The following TSHZ2 variants were observed in gnomAD, a reference collection of about 807,000 sequenced individuals.
The protein encoded by TSHZ2 is teashirt homolog 2.
TSHZ2 carries 21 observed loss-of-function variants against 74.4 expected under a neutral mutation model. That is an observed-to-expected ratio of 0.28 (90% CI 0.20 to 0.41). The LOEUF (loss-of-function observed/expected upper bound fraction) is 0.41, where lower values mean the gene tolerates loss of function less well. Ranked by LOEUF, TSHZ2 falls within the 10% of genes least tolerant of loss-of-function variation. The probability of loss-of-function intolerance (pLI) is 1.00; values close to 1 mark genes in which losing one functional copy is unlikely to be tolerated. For missense variants in TSHZ2, 1,244 were observed against 1,293.5 expected (o/e 0.96, Z 0.59); for synonymous variants, 540 against 515.3 (o/e 1.05, Z -0.65).
intron 2 of TSHZ2, among the ~76,000 whole-genome samples, chr20:53,447,808 C>T (rs1984612693): frequency 6.6e-6 from 1 of 152,194 alleles, no homozygotes; most frequent in Non-Finnish European, 1.5e-5. Context: ...CTCCTCGGTG[C>T]CTCATATTGT....
At chr20:53,400,963 C>A (rs1017928558) in intron 2 of TSHZ2, among the ~76,000 whole-genome samples, 2 of 152,168 alleles carry the variant, frequency 1.3e-5, no homozygotes, top group African/African-American at 4.8e-5. Context: ...ATGTCCTAAG[C>A]ATTATGTTAA....
chr20:53,013,916 G>A (rs1478193206), intron 1 of TSHZ2, among the ~76,000 whole-genome samples: 2 of 152,164 alleles, frequency 1.3e-5, no homozygotes, highest in African/African-American at 4.8e-5. Flanking sequence ...TGGGATAAGG[G>A]AATGAAAACA....
intron 2 of TSHZ2, among the ~76,000 whole-genome samples, chr20:53,397,279 G>GA (rs1480338876): frequency 7.2e-5 from 11 of 152,252 alleles, no homozygotes; most frequent in Non-Finnish European, 1.2e-4. Flanking sequence ...AAATTTACAA[G>GA]AAAAAATCAA....
chr20:53,224,179 G>A lies in TSHZ2; in HGVS notation c.41-29320G>A, dbSNP rs577337040. 1.8e-4 allele frequency among the ~76,000 whole-genome samples: 27 copies of A among 152,320 alleles called. No homozygotes were observed. In the South Asian group the frequency reaches 5.6e-3, roughly 32 times the overall value. On this transcript the variant is annotated intron_variant, in intron 1 of 2. Transcript: ENST00000371497. ...AAACCCAAAATGTTTTGAGTATAAT[G>A]TCTAGGACAAAGCTAAAGAAACAAA...
rs550370027 is a variant in TSHZ2 at position 53,211,788 on chromosome 20, G to A, written c.41-41711G>A. On this transcript the variant is annotated intron_variant, in intron 1 of 2. Coordinates refer to ENST00000371497, the MANE Select transcript of TSHZ2 (RefSeq NM_173485.6). ...GTAGACTCAGAGGGTACCTGTGCAG[G>A]TTTGTTGCATAATGATCAGGTTTGG... Among the ~76,000 whole-genome samples the A allele has an allele frequency of 2.0e-5, 3 of 152,218 alleles. No homozygotes were observed. In the South Asian group the frequency reaches 6.2e-4, roughly 32 times the overall value.
chr20:53,472,682 A>G (rs13042043), intron 2 of TSHZ2, among the ~76,000 whole-genome samples: 30,117 of 151,196 alleles, frequency 0.2, 3,177 homozygotes, highest in East Asian at 0.29. Context: ...GAACAGCTCC[A>G]GTCTACAGCT....
At chr20:53,219,553 T>C (rs1989509481) in intron 1 of TSHZ2, among the ~76,000 whole-genome samples, 1 of 152,230 alleles carries the variant, frequency 6.6e-6, no homozygotes, top group South Asian at 2.1e-4. Context: ...TTTGTGACTG[T>C]TACCTTTATT....
rs145444017 is a variant in TSHZ2, at chr20:53,231,980, G to C, written c.41-21519G>C. ...GTTCATTGCAGCCTCAAACTCCTGG[G>C]CTCAAGCCATCCTCCCACCTTAGCC... is the stretch of plus-strand genomic sequence containing the variant. On this transcript the variant is annotated intron_variant, in intron 1 of 2. Coordinates refer to ENST00000371497, the MANE Select transcript of TSHZ2 (RefSeq NM_173485.6). Among the ~76,000 whole-genome samples the C allele has an allele frequency of 1.0e-3, 159 of 152,256 alleles. 1 individual carries two copies. Among genetic ancestry groups the C allele is most frequent in the African/African-American group, 3.7e-3 (152 of 41,554 alleles).
intron 2 of TSHZ2, among the ~76,000 whole-genome samples, chr20:53,352,232 C>CTTTTTTTTTTT (rs142220716): frequency 1.7e-5 from 1 of 57,904 alleles, no homozygotes; most frequent in Admixed American, 2.1e-4. Context: ...CTCCTAAGCT[C>CTTTTTTTTTTT]TTTTTTTTTT....
At chr20:53,050,143 A>ATACATATACATATG (rs1984398664) in intron 1 of TSHZ2, among the ~76,000 whole-genome samples, 3 of 91,642 alleles carry the variant, frequency 3.3e-5, no homozygotes, top group Non-Finnish European at 4.6e-5. Flanking sequence ...ATATATGTGT[A>ATACATATACATATG]TATATATATA....
intron 2 of TSHZ2, among the ~76,000 whole-genome samples, chr20:53,469,637 GAA>G (rs1486037390): frequency 0.019 from 854 of 45,646 alleles, 110 homozygotes; most frequent in African/African-American, 0.055. Flanking sequence ...AGGGAGGGAG[GAA>G]GGAAGGAAGG....
chr20:53,297,526 G>A (rs553315360), intron 2 of TSHZ2, among the ~76,000 whole-genome samples: 63 of 152,286 alleles, frequency 4.1e-4, no homozygotes, highest in African/African-American at 1.5e-3. Context: ...AAAATGCTGC[G>A]ATTATAGGCA....
At chr20:53,156,569 G>C (rs978091649) in intron 1 of TSHZ2, among the ~76,000 whole-genome samples, 3 of 152,168 alleles carry the variant, frequency 2.0e-5, no homozygotes, top group Non-Finnish European at 4.4e-5. Flanking sequence ...AACCAGTTCA[G>C]TGATTTTCCC....
intron 2 of TSHZ2, among the ~76,000 whole-genome samples, chr20:53,474,255 G>C (rs1410747444): frequency 7.0e-6 from 1 of 143,146 alleles, no homozygotes. Context: ...GGCAGCCAGA[G>C]AGAAAGGTCG....
At chr20:53,331,376 G>A (rs559580374) in intron 2 of TSHZ2, among the ~76,000 whole-genome samples, 72 of 152,254 alleles carry the variant, frequency 4.7e-4, no homozygotes, top group Non-Finnish European at 9.0e-4. Flanking sequence ...GGCAAAAACC[G>A]AGGTGCTTGG....
intron 2 of TSHZ2, among the ~76,000 whole-genome samples, chr20:53,289,663 CAT>C (rs1991243756): frequency 6.6e-6 from 1 of 152,114 alleles, no homozygotes; most frequent in African/African-American, 2.4e-5. Flanking sequence ...ATTTTAGAGA[CAT>C]GGTTTAGGGA....
chr20:53,276,092 G>GT (rs1990940483), intron 2 of TSHZ2, among the ~76,000 whole-genome samples: 1 of 152,146 alleles, frequency 6.6e-6, no homozygotes, highest in Non-Finnish European at 1.5e-5. Flanking sequence ...AGGAATCCTT[G>GT]GTTCAAAGGA....
At chr20:53,006,858 G>A (rs1160402981) in intron 1 of TSHZ2, among the ~76,000 whole-genome samples, 1 of 151,878 alleles carries the variant, frequency 6.6e-6, no homozygotes, top group African/African-American at 2.4e-5. Context: ...TTTGTTTGGG[G>A]TCAAACATGA....
intron 1 of TSHZ2, among the ~76,000 whole-genome samples, chr20:53,177,936 G>A (rs991100105): frequency 4.6e-5 from 7 of 152,110 alleles, no homozygotes; most frequent in African/African-American, 1.7e-4. Context: ...TTGGCTCTTT[G>A]CACAGTGCCT....
Sources: gnomAD v4.1 joint callset for allele counts (sites outside exome capture counted in the v4.1 genomes callset) on GRCh38, gnomAD v4.1.1 for gene constraint, MANE v1.5 for transcripts, NCBI Gene and HGNC (gene_info 2026-07-23, HGNC 2026-07-21) for gene names.